Variants in RNASE10 observed in about 807,000 individuals in gnomAD.
RNASE10 encodes inactive ribonuclease-like protein 10.
In RNASE10, 2 loss-of-function variants were observed where a neutral mutation model predicts 1.1. The ratio of observed to expected loss-of-function variants is 1.82; its 90% CI spans 0.74 to 5.73. RNASE10 has a LOEUF of 5.73. Among genes scored for constraint, RNASE10 ranks in the 30% most tolerant of loss-of-function variants. RNASE10 has a pLI of 0.05. For missense variants in RNASE10, 276 were observed against 263.4 expected, an observed-to-expected ratio of 1.05 and a Z score of -0.33; for synonymous variants, 97 against 96.2, an observed-to-expected ratio of 1.01 and a Z score of -0.05.
downstream of RNASE10, among the ~76,000 whole-genome samples, chr14:20,513,758 G>A (rs769684380): frequency 6.6e-6 from 1 of 152,144 alleles, no homozygotes; most frequent in East Asian, 1.9e-4. Flanking sequence ...ACATACAATA[G>A]TGCTTTTTAA....
upstream of RNASE10, among the ~76,000 whole-genome samples, chr14:20,505,199 G>T (rs951020047): frequency 7.0e-6 from 1 of 143,822 alleles, no homozygotes; most frequent in Non-Finnish European, 1.5e-5. Flanking sequence ...ATGAAACAGT[G>T]TCTGTGTTTA....
chr14:20,510,468 C>A lies in RNASE10; in HGVS notation c.81C>A (p.Gly27=), dbSNP rs184170027. ...TTCCATTTCCCGCTTCCTCTCCAGGCAAAATGAAGCTGAATCTGGTGCAGA... is the reference window on the plus strand; with the variant it reads ...TTCCATTTCCCGCTTCCTCTCCAGGAAAAATGAAGCTGAATCTGGTGCAGA... Residue 27 remains glycine (G), a splice_region_variant and synonymous_variant, in exon 2 of 2, where the codon GGC becomes GGA. Coordinates refer to ENST00000430083, the Ensembl canonical transcript of RNASE10. The A allele has an allele frequency of 3.0e-4, 486 of 1,604,456 alleles. 1 individual carries two copies. In the African/African-American group the frequency reaches 5.6e-3, roughly 19 times the overall value.
chr14:20,506,928 C>CGGGAGGG (rs1882748921), intron 1 of RNASE10, among the ~76,000 whole-genome samples: 4 of 135,712 alleles, frequency 2.9e-5, no homozygotes, highest in Admixed American at 7.3e-5. Flanking sequence ...CCGCCCCGTC[C>CGGGAGGG]GGGAGGGGGG....
Position 20,511,106 on chromosome 14 carries a change from T to A in RNASE10, c.719T>A (p.Leu240Ter). ...ACCTGTAATGACATGAAGCGCCAGTTACCAACTGGACAATGAAGCAACTCA... is the reference window on the plus strand; with the variant it reads ...ACCTGTAATGACATGAAGCGCCAGTAACCAACTGGACAATGAAGCAACTCA... The change falls in exon 2 of 2, where the codon TTA becomes TAA. Residue 240 changes from leucine to a stop codon, truncating the protein, a stop_gained. Transcript: ENST00000430083. LOFTEE classifies it high-confidence loss of function. 1 of 1,495,768 alleles carries A rather than the reference T, an allele frequency of 6.7e-7. No homozygotes were observed. Among genetic ancestry groups the A allele is most frequent in the Non-Finnish European group, 8.9e-7 (1 of 1,122,592 alleles). The allele number at this position is 1,495,768 out of a possible 1,614,324, so 92.7% of individuals were successfully genotyped here.
chr14:20,511,469 T>C (rs1882898711), downstream of RNASE10, among the ~76,000 whole-genome samples: 1 of 152,226 alleles, frequency 6.6e-6, no homozygotes, highest in Non-Finnish European at 1.5e-5. Flanking sequence ...CCTTTACCCA[T>C]GTTCTTCCCT....
Position 20,507,006 on chromosome 14 carries a change from C to T in RNASE10, c.79+987C>T, listed in dbSNP as rs1389087360. Among the ~76,000 whole-genome samples, 256 of 149,598 alleles carry T rather than the reference C, an allele frequency of 1.7e-3. 1 individual carries two copies. The highest frequency in any genetic ancestry group is 6.2e-4 in the Non-Finnish European group (42 of 67,408). On this transcript the variant is annotated intron_variant, in intron 1 of 1. Transcript: ENST00000430083. ...AGGGAGGTGGTGGGGGTCAGCCCCC[C>T]GCCCGGCCAGCCGCCCTGTCCGGGA...
intron 1 of RNASE10, among the ~76,000 whole-genome samples, chr14:20,506,759 A>G (rs1206030456): frequency 2.6e-4 from 15 of 58,190 alleles, no homozygotes; most frequent in Admixed American, 3.6e-4. Context: ...TCCGGGAGGG[A>G]GGTGGGGGGG....
intron 1 of RNASE10, among the ~76,000 whole-genome samples, chr14:20,506,724 G>C (rs1882736782): frequency 1.6e-5 from 2 of 125,312 alleles, no homozygotes; most frequent in Non-Finnish European, 3.4e-5. Context: ...GGGGGGGTCA[G>C]CCCCCCGCCC....
chr14:20,513,375 A>G (rs1172745114), downstream of RNASE10, among the ~76,000 whole-genome samples: 1 of 152,174 alleles, frequency 6.6e-6, no homozygotes, highest in Non-Finnish European at 1.5e-5. Flanking sequence ...CTCACCTCCC[A>G]GGGGCAGAAA....
In RNASE10 at chr14:20,508,876, T is replaced by G. The variant is rs567707878; in HGVS notation, c.80-1591T>G. On this transcript the variant is annotated intron_variant, in intron 1 of 1. Coordinates refer to ENST00000430083, the Ensembl canonical transcript of RNASE10. ...GGGCCTTAGACATTCACTGGGGTCT[T>G]GGAACATATTCCCTGTGGATAAGGG... is the stretch of plus-strand genomic sequence containing the variant. 2.6e-5 allele frequency among the ~76,000 whole-genome samples: 4 copies of G among 152,296 alleles called. No individual in the cohort carries two copies. The South Asian group carries it at 6.2e-4, about 24-fold the overall frequency.
chr14:20,506,437 G>T (rs1340496051), intron 1 of RNASE10, among the ~76,000 whole-genome samples: 4 of 133,904 alleles, frequency 3.0e-5, no homozygotes, highest in Non-Finnish European at 6.5e-5. Flanking sequence ...CCGGGAGGGG[G>T]GAGGGGGGGT....
intron 1 of RNASE10, among the ~76,000 whole-genome samples, chr14:20,506,879 G>T (rs1192780603): frequency 2.5e-3 from 320 of 128,118 alleles, no homozygotes; most frequent in Middle Eastern, 6.5e-3. Flanking sequence ...CTGCCCGGCC[G>T]CCCCTACTGG....
downstream of RNASE10, among the ~76,000 whole-genome samples, chr14:20,512,372 G>T (rs1352200936): frequency 6.6e-6 from 1 of 152,174 alleles, no homozygotes; most frequent in African/African-American, 2.4e-5. Context: ...GTCATGCATA[G>T]GGAGAAGAGG....
At chr14:20,509,475 A>C in intron 1 of RNASE10, among the ~76,000 whole-genome samples, 1 of 152,224 alleles carries the variant, frequency 6.6e-6, no homozygotes, top group East Asian at 1.9e-4. Context: ...AGATGTTAAG[A>C]GATCTTTAAT....
At chr14:20,504,480 G>A (rs1386947992), upstream of RNASE10, among the ~76,000 whole-genome samples, 1 of 151,892 alleles carries the variant, frequency 6.6e-6, no homozygotes. Flanking sequence ...GAGGTCGGGA[G>A]ATCGAGACCA....
downstream of RNASE10, among the ~76,000 whole-genome samples, chr14:20,513,710 G>A (rs913166558): frequency 6.6e-6 from 1 of 152,188 alleles, no homozygotes; most frequent in Non-Finnish European, 1.5e-5. Context: ...CCTTCTAAGA[G>A]TGTGTTAGTC....
At chr14:20,506,710 A>G (rs1256934190) in intron 1 of RNASE10, among the ~76,000 whole-genome samples, 12 of 72,082 alleles carry the variant, frequency 1.7e-4, no homozygotes, top group East Asian at 5.0e-4. Flanking sequence ...TCCGGGAGGG[A>G]GGTGGGGGGG....
chr14:20,511,223 T>C (rs1031062931), downstream of RNASE10: 4 of 1,007,240 alleles, frequency 4.0e-6, no homozygotes, highest in Admixed American at 7.0e-5. Flanking sequence ...ATCATGCAGA[T>C]GGAATTCTTC....
At chr14:20,512,360 T>C (rs1882919064), downstream of RNASE10, among the ~76,000 whole-genome samples, 1 of 152,186 alleles carries the variant, frequency 6.6e-6, no homozygotes, top group Non-Finnish European at 1.5e-5. Context: ...ATAGTGTAGT[T>C]AGTCATGCAT....
Sources: gnomAD v4.1 joint callset for allele counts (sites outside exome capture counted in the v4.1 genomes callset) on GRCh38, gnomAD v4.1.1 for gene constraint, MANE v1.5 for transcripts, NCBI Gene and HGNC (gene_info 2026-07-23, HGNC 2026-07-21) for gene names.